Variants in EBF1 observed in about 807,000 individuals in gnomAD.
The protein encoded by EBF1 is EBF transcription factor 1.
EBF1 carries 10 observed loss-of-function variants against 68.4 expected under a neutral mutation model. The ratio of observed to expected loss-of-function variants is 0.15; its 90% CI spans 0.09 to 0.25. The LOEUF (loss-of-function observed/expected upper bound fraction) is 0.25. Ranked by LOEUF, EBF1 falls within the 10% of genes least tolerant of loss-of-function variation. EBF1 has a pLI of 1.00. For missense variants in EBF1, 509 were observed against 794.4 expected, an observed-to-expected ratio of 0.64 and a Z score of 4.32; for synonymous variants, 298 against 299.8, an observed-to-expected ratio of 0.99 and a Z score of 0.06.
intron 6 of EBF1, among the ~76,000 whole-genome samples, chr5:159,015,639 C>T (rs535262379): frequency 6.6e-6 from 1 of 152,324 alleles, no homozygotes; most frequent in African/African-American, 2.4e-5. Flanking sequence ...TTCAGGAACA[C>T]TGAGACTATT....
At chr5:159,035,211 C>A (rs1369655216) in intron 6 of EBF1, among the ~76,000 whole-genome samples, 1 of 152,038 alleles carries the variant, frequency 6.6e-6, no homozygotes, top group African/African-American at 2.4e-5. Context: ...TCCAAAGGCT[C>A]ATCAGCCATC....
At chr5:159,069,695 T>A (rs567046679) in intron 6 of EBF1, among the ~76,000 whole-genome samples, 25 of 152,308 alleles carry the variant, frequency 1.6e-4, no homozygotes, top group African/African-American at 6.0e-4. Flanking sequence ...ATGTGACTTT[T>A]GTCATTATCA....
intron 3 of EBF1, 152 bp downstream of exon 3, chr5:159,096,191 C>A (rs1782576889): frequency 3.6e-6 from 3 of 831,440 alleles, no homozygotes; most frequent in Non-Finnish European, 5.5e-6. Flanking sequence ...CAGGTGAAAC[C>A]TCCTGGGGCG....
chr5:158,716,126 G>T (rs1760643086), intron 11 of EBF1, among the ~76,000 whole-genome samples: 1 of 152,168 alleles, frequency 6.6e-6, no homozygotes. Context: ...TAATTTCACA[G>T]AAGCAGGGAG....
In EBF1 at chr5:159,096,386, G is replaced by A. The variant is rs1271459150; in HGVS notation, c.312C>T (p.Thr104=). The A allele has an allele frequency of 4.3e-6, 7 of 1,613,534 alleles. No individual in the cohort carries two copies. Among genetic ancestry groups the A allele is most frequent in the African/African-American group, 2.7e-5 (2 of 74,906 alleles). ...EKEKEANSEK[T]NNGIHYRLQL... Reference sequence around the variant, plus strand: ...GAAGCCGGTAGTGAATTCCGTTATTGGTCTTTTCGCTGTTGGCTTCCTGGG... The same window carrying A: ...GAAGCCGGTAGTGAATTCCGTTATTAGTCTTTTCGCTGTTGGCTTCCTGGG... Residue 104 remains threonine, a synonymous_variant, in exon 3 of 16, where the codon ACC becomes ACT. Transcript: ENST00000313708.
At chr5:159,089,147 TA>T (rs1213566818) in intron 4 of EBF1, among the ~76,000 whole-genome samples, 2 of 152,292 alleles carry the variant, frequency 1.3e-5, no homozygotes, top group East Asian at 3.9e-4. Context: ...TATCTCATAT[TA>T]TTTTTTGATA....
At chr5:159,030,496 C>T (rs1216719698) in intron 6 of EBF1, among the ~76,000 whole-genome samples, 1 of 152,168 alleles carries the variant, frequency 6.6e-6, no homozygotes. Context: ...AGGACAGATT[C>T]CCTCCAGAGG....
chr5:159,080,985 G>T (rs957678461), intron 5 of EBF1, among the ~76,000 whole-genome samples: 2 of 152,020 alleles, frequency 1.3e-5, no homozygotes, highest in African/African-American at 2.4e-5. Context: ...ACATTTTTTT[G>T]TTGTTGTTGT....
At chr5:159,092,736 A>G (rs1781884192) in intron 4 of EBF1, among the ~76,000 whole-genome samples, 1 of 152,214 alleles carries the variant, frequency 6.6e-6, no homozygotes, top group Non-Finnish European at 1.5e-5. Flanking sequence ...GATAGGAAAA[A>G]TGTTATAATA....
chr5:158,951,516 C>G (rs1815974403), intron 6 of EBF1, among the ~76,000 whole-genome samples: 2 of 152,208 alleles, frequency 1.3e-5, no homozygotes, highest in Non-Finnish European at 2.9e-5. Flanking sequence ...TCCCCAATCT[C>G]TGATAATGCA....
At chr5:159,074,333 A>G (rs1358090309) in intron 5 of EBF1, among the ~76,000 whole-genome samples, 1 of 152,244 alleles carries the variant, frequency 6.6e-6, no homozygotes, top group Non-Finnish European at 1.5e-5. Context: ...ACAATGGTCA[A>G]CAGAAAACGA....
At chr5:158,731,258 T>A in intron 10 of EBF1, 101 bp from the exon 11 acceptor site, 1 of 1,058,632 alleles carries the variant, frequency 9.4e-7, no homozygotes, top group Non-Finnish European at 1.4e-6. Context: ...GTCCAAAGTT[T>A]AACTGATACT....
intron 6 of EBF1, among the ~76,000 whole-genome samples, chr5:158,893,381 T>C (rs1185448731): frequency 6.6e-6 from 1 of 152,230 alleles, no homozygotes; most frequent in African/African-American, 2.4e-5. Context: ...AATTCCTCTC[T>C]GTATTGTGCA....
At chr5:158,864,049 T>C (rs1377270527) in intron 6 of EBF1, among the ~76,000 whole-genome samples, 2 of 151,848 alleles carry the variant, frequency 1.3e-5, no homozygotes, top group African/African-American at 4.8e-5. Context: ...CTGGCCAACA[T>C]GGCGGAAGCC....
intron 6 of EBF1, among the ~76,000 whole-genome samples, chr5:159,023,184 T>C (rs939046120): frequency 9.2e-6 from 1 of 108,996 alleles, no homozygotes; most frequent in Non-Finnish European, 2.0e-5. Flanking sequence ...GCCAGAATTT[T>C]CTCACTAAAA....
chr5:159,043,529 C>T (rs1771693770), intron 6 of EBF1, among the ~76,000 whole-genome samples: 2 of 152,128 alleles, frequency 1.3e-5, no homozygotes, highest in Non-Finnish European at 1.5e-5. Flanking sequence ...GAATAAATGA[C>T]CCACTACTCC....
intron 8 of EBF1, among the ~76,000 whole-genome samples, chr5:158,822,917 C>T (rs893681840): frequency 6.6e-6 from 1 of 152,186 alleles, no homozygotes; most frequent in East Asian, 1.9e-4. Flanking sequence ...CCTTCTTTCT[C>T]TCAACCTGAA....
chr5:158,714,711 T>C (rs574562669), intron 11 of EBF1, among the ~76,000 whole-genome samples: 15 of 152,316 alleles, frequency 9.8e-5, no homozygotes, highest in Middle Eastern at 6.8e-3. Flanking sequence ...GAAACCCACA[T>C]ACTGAGGCAA....
At chr5:159,004,810 T>G (rs953420696) in intron 6 of EBF1, among the ~76,000 whole-genome samples, 5 of 152,128 alleles carry the variant, frequency 3.3e-5, no homozygotes, top group African/African-American at 7.2e-5. Context: ...AAGCTTGAGG[T>G]GGAAGTGGCA....
Sources: gnomAD v4.1 joint callset for allele counts (sites outside exome capture counted in the v4.1 genomes callset) on GRCh38, gnomAD v4.1.1 for gene constraint, MANE v1.5 for transcripts, NCBI Gene and HGNC (gene_info 2026-07-23, HGNC 2026-07-21) for gene names.